RGS12: variants seen among roughly 807,000 people sequenced by gnomAD.
RGS12 encodes regulator of G-protein signaling 12.
RGS12 carries 66 observed loss-of-function variants against 120.1 expected under a neutral mutation model. The ratio of observed to expected loss-of-function variants is 0.55; its 90% CI spans 0.45 to 0.67. The LOEUF is 0.67. RGS12 is among the 30% of genes least tolerant of loss of function. RGS12 has a pLI of 0.00. For missense variants in RGS12, 1,859 were observed against 1,957.7 expected (o/e 0.95, Z 0.95); for synonymous variants, 827 against 804.7 (o/e 1.03, Z -0.47).
intron 2 of RGS12, among the ~76,000 whole-genome samples, chr4:3,322,843 C>G (rs377082598): frequency 6.6e-6 from 1 of 152,184 alleles, no homozygotes; most frequent in East Asian, 1.9e-4. Context: ...TTTGTAGGTA[C>G]TCCCAGGAGT....
chr4:3,344,117 C>T (rs917948453), intron 3 of RGS12, among the ~76,000 whole-genome samples: 8 of 152,164 alleles, frequency 5.3e-5, no homozygotes, highest in African/African-American at 9.7e-5. Context: ...TGTGGCCAGA[C>T]TCCGTCCACA....
intron 1 of RGS12, among the ~76,000 whole-genome samples, chr4:3,305,925 A>G (rs564802953): frequency 6.6e-6 from 1 of 152,306 alleles, no homozygotes; most frequent in East Asian, 1.9e-4. Flanking sequence ...TCCAGCACCC[A>G]CTTTTTATTT....
At chr4:3,292,147 G>A (rs1463854906), upstream of RGS12, among the ~76,000 whole-genome samples, 1 of 152,250 alleles carries the variant, frequency 6.6e-6, no homozygotes, top group African/African-American at 2.4e-5. Flanking sequence ...GGGAGAGAAT[G>A]AGGGGAAGGC....
intron 1 of RGS12, among the ~76,000 whole-genome samples, chr4:3,312,182 C>T (rs997141451): frequency 1.3e-5 from 2 of 152,126 alleles, no homozygotes; most frequent in Admixed American, 1.3e-4. Context: ...TCCAGTACCC[C>T]ATGGTCTTCT....
chr4:3,374,416 T>G lies in RGS12; in HGVS notation c.1999-12000T>G, dbSNP rs118104538. 6.6e-6 allele frequency among the ~76,000 whole-genome samples: 1 copy of G among 152,122 alleles called. No individual in the cohort carries two copies. Among genetic ancestry groups the G allele is most frequent in the Non-Finnish European group, 1.5e-5 (1 of 67,994 alleles). ...TTCCACGACAGGCTCGATTCGTCCCTCGCATGCTGCCCTCCCAGCCTGGCC... is the reference window on the plus strand; with the variant it reads ...TTCCACGACAGGCTCGATTCGTCCCGCGCATGCTGCCCTCCCAGCCTGGCC... On this transcript the variant is annotated intron_variant, in intron 3 of 17. Transcript: ENST00000336727. The surrounding 1 kb of genome is among the most constrained non-coding windows in gnomAD (Gnocchi z 6.3).
intron 2 of RGS12, among the ~76,000 whole-genome samples, chr4:3,338,833 T>C (rs1459361961): frequency 5.9e-5 from 9 of 152,212 alleles, no homozygotes. Flanking sequence ...TTGTTTTCCC[T>C]GTTTAGTACT....
intron 4 of RGS12, among the ~76,000 whole-genome samples, chr4:3,388,458 G>A (rs1719096856): frequency 6.6e-6 from 1 of 152,244 alleles, no homozygotes; most frequent in African/African-American, 2.4e-5. Context: ...GTTGTTAGAT[G>A]TAGGGCACCG....
intron 16 of RGS12, among the ~76,000 whole-genome samples, chr4:3,429,756 C>T (rs193216753): frequency 3.2e-4 from 48 of 152,342 alleles, no homozygotes; most frequent in African/African-American, 1.0e-3. Flanking sequence ...CAGGGGCACC[C>T]GTCCTGGCCC....
intron 3 of RGS12, among the ~76,000 whole-genome samples, chr4:3,362,864 C>G (rs1051535386): frequency 1.8e-5 from 2 of 111,658 alleles, no homozygotes; most frequent in South Asian, 6.8e-4. Flanking sequence ...TGTGTGTGTG[C>G]GAGGGTGTGT....
At chr4:3,393,316 G>A (rs1350495839) in intron 4 of RGS12, among the ~76,000 whole-genome samples, 16 of 152,220 alleles carry the variant, frequency 1.1e-4, no homozygotes, top group Admixed American at 1.0e-3. Flanking sequence ...GCCCCCGGCT[G>A]ATCTTTGCCT....
At chr4:3,307,904 C>T (rs1724061601) in intron 1 of RGS12, among the ~76,000 whole-genome samples, 1 of 152,276 alleles carries the variant, frequency 6.6e-6, no homozygotes, top group South Asian at 2.1e-4. Context: ...CAAAAAGTCT[C>T]TTAGAAAGAG....
At chr4:3,396,555 CACCTGTAT>C (rs1377182186) in intron 4 of RGS12, among the ~76,000 whole-genome samples, 1 of 152,198 alleles carries the variant, frequency 6.6e-6, no homozygotes, top group Non-Finnish European at 1.5e-5. Context: ...CTTGAAGCAA[CACCTGTAT>C]CAGGTAATCA....
intron 2 of RGS12, among the ~76,000 whole-genome samples, chr4:3,326,023 A>G (rs1725533155): frequency 6.6e-6 from 1 of 152,182 alleles, no homozygotes. Context: ...ATATAGCTCA[A>G]AATAGTAAAG....
At chr4:3,426,050 A>C (rs1310670076) in intron 14 of RGS12, among the ~76,000 whole-genome samples, 1 of 5,078 alleles carries the variant, frequency 2.0e-4, no homozygotes, top group Admixed American at 2.0e-3. Flanking sequence ...GGGGCTGTGG[A>C]GTTGGCACAG....
chr4:3,314,221 G>A (rs1447963487), intron 1 of RGS12: 2 of 151,788 alleles, frequency 1.3e-5, no homozygotes, highest in Non-Finnish European at 2.9e-5. Context: ...TCCGTGTTTT[G>A]TCATCACTGA....
chr4:3,438,771 G>A (rs116679426), intron 17 of RGS12, among the ~76,000 whole-genome samples: 1 of 152,116 alleles, frequency 6.6e-6, no homozygotes, highest in Non-Finnish European at 1.5e-5. Flanking sequence ...GGATCTCCTG[G>A]GGCTGGAGTG....
chr4:3,432,551 C>T (rs1577107907), intron 17 of RGS12, among the ~76,000 whole-genome samples: 1 of 152,202 alleles, frequency 6.6e-6, no homozygotes, highest in Non-Finnish European at 1.5e-5. Flanking sequence ...GACAGACCCA[C>T]GTGGGGGGTC....
chr4:3,315,127 G>A (rs1344228553), intron 1 of RGS12, among the ~76,000 whole-genome samples: 3 of 152,310 alleles, frequency 2.0e-5, no homozygotes, highest in Non-Finnish European at 2.9e-5. Context: ...AGTTAAGTGC[G>A]TCCTGCGTGA....
chr4:3,412,806 A>T (rs767854490), intron 4 of RGS12, among the ~76,000 whole-genome samples: 1 of 152,262 alleles, frequency 6.6e-6, no homozygotes, highest in Non-Finnish European at 1.5e-5. Flanking sequence ...GCTCAGCTGC[A>T]GGCTAAGGAC....
Sources: allele counts gnomAD v4.1 joint callset (sites outside exome capture counted in the v4.1 genomes callset), GRCh38; gene constraint gnomAD v4.1.1; non-coding constraint Gnocchi (gnomAD v3.1); transcripts MANE v1.5; gene names NCBI Gene and HGNC (gene_info 2026-07-23, HGNC 2026-07-21).